The following STRBP variants were observed in gnomAD, a reference collection of about 807,000 sequenced individuals.
STRBP encodes spermatid perinuclear RNA-binding protein.
Under a neutral mutation model 80.1 loss-of-function variants are expected in STRBP, and 13 were observed. The ratio of observed to expected loss-of-function variants is 0.16; its 90% CI spans 0.11 to 0.26. The LOEUF (loss-of-function observed/expected upper bound fraction) is 0.26. Ranked by LOEUF, STRBP falls within the 10% of genes least tolerant of loss-of-function variation. STRBP has a pLI of 1.00. For synonymous variants in STRBP, 284 were observed against 291.2 expected (o/e 0.98, Z 0.25); for missense variants, 485 against 815.2 (o/e 0.59, Z 4.93).
intron 11 of STRBP, among the ~76,000 whole-genome samples, chr9:123,153,135 A>G (rs1809653088): frequency 6.6e-6 from 1 of 152,002 alleles, no homozygotes; most frequent in African/African-American, 2.4e-5. Flanking sequence ...TCCAGGTGAG[A>G]GATGATGGCA....
At chr9:123,236,185 A>G (rs549344844) in intron 2 of STRBP, among the ~76,000 whole-genome samples, 1 of 152,246 alleles carries the variant, frequency 6.6e-6, no homozygotes, top group Non-Finnish European at 1.5e-5. Context: ...CATATAGTAT[A>G]AAGTGGTTTT....
chr9:123,237,254 T>C (rs1014338527), intron 1 of STRBP, among the ~76,000 whole-genome samples: 1 of 152,070 alleles, frequency 6.6e-6, no homozygotes, highest in Non-Finnish European at 1.5e-5. Context: ...CGGCAGAAAA[T>C]TGCTAACTAC....
At chr9:123,250,920 C>A (rs996200959) in intron 1 of STRBP, among the ~76,000 whole-genome samples, 4 of 152,036 alleles carry the variant, frequency 2.6e-5, no homozygotes, top group Non-Finnish European at 5.9e-5. Flanking sequence ...GAGTTCAAGA[C>A]CAGGGTGACA....
chr9:123,173,576 CCTATTAG>C (rs2038099031), intron 5 of STRBP, 94 bp downstream of exon 5: 1 of 1,277,420 alleles, frequency 7.8e-7, no homozygotes, highest in South Asian at 1.5e-5. Context: ...CTGTGTCTAT[CCTATTAG>C]CTATTAGCAA....
intron 2 of STRBP, among the ~76,000 whole-genome samples, chr9:123,201,965 G>A (rs1405648736): frequency 6.6e-6 from 1 of 152,128 alleles, no homozygotes; most frequent in Non-Finnish European, 1.5e-5. Context: ...GTAATATCTT[G>A]TTGAATTGAT....
intron 6 of STRBP, among the ~76,000 whole-genome samples, chr9:123,165,098 T>C (rs2037696014): frequency 6.6e-6 from 1 of 151,854 alleles, no homozygotes; most frequent in Admixed American, 6.6e-5. Context: ...CTGGCCAATA[T>C]GGTGAAACCC....
intron 1 of STRBP, among the ~76,000 whole-genome samples, chr9:123,238,707 T>C (rs2040625627): frequency 6.6e-6 from 1 of 152,192 alleles, no homozygotes; most frequent in Admixed American, 6.5e-5. Flanking sequence ...GAAGGGAGAC[T>C]ACCCAAGGAA....
rs2035814750 is a variant in STRBP at position 123,124,207 on chromosome 9, T to G, written c.*1390A>C. The G allele has an allele frequency of 2.0e-6, 2 of 985,290 alleles. No individual in the cohort carries two copies. Among genetic ancestry groups the G allele is most frequent in the Non-Finnish European group, 2.4e-6 (2 of 829,928 alleles). 61.0% of individuals were successfully genotyped at this position (985,290 alleles called of 1,614,324 possible). On this transcript the variant is annotated 3_prime_UTR_variant, in exon 19 of 19. Transcript: ENST00000348403. ...CCTGTCAAGTTCCCAAAAGCAGAAC[T>G]GAATAGGGAAAATGAAAGCTAATTC... is the stretch of plus-strand genomic sequence containing the variant.
At chr9:123,120,822 C>T (rs1467989550), downstream of STRBP, among the ~76,000 whole-genome samples, 2 of 152,088 alleles carry the variant, frequency 1.3e-5, no homozygotes. Flanking sequence ...TCAAAACTGC[C>T]AGGGAAATAT....
intron 4 of STRBP, among the ~76,000 whole-genome samples, chr9:123,177,085 T>C (rs1426603601): frequency 1.3e-5 from 2 of 152,192 alleles, no homozygotes; most frequent in Admixed American, 1.3e-4. Flanking sequence ...GTGCACAATA[T>C]ATGTTTATTA....
intron 1 of STRBP, among the ~76,000 whole-genome samples, chr9:123,263,191 T>C (rs2041193588): frequency 6.6e-6 from 1 of 152,152 alleles, no homozygotes; most frequent in African/African-American, 2.4e-5. Context: ...AGTAAACTAT[T>C]AGAGTAGATC....
intron 2 of STRBP, among the ~76,000 whole-genome samples, chr9:123,196,212 A>G (rs2039085428): frequency 6.6e-6 from 1 of 152,214 alleles, no homozygotes; most frequent in Non-Finnish European, 1.5e-5. Context: ...TTCATCATAT[A>G]CAAAAATCAA....
At chr9:123,207,381 G>A (rs1018664259) in intron 2 of STRBP, among the ~76,000 whole-genome samples, 1 of 152,192 alleles carries the variant, frequency 6.6e-6, no homozygotes, top group African/African-American at 2.4e-5. Flanking sequence ...AACAAAGTTG[G>A]AGGAAAAAGC....
intron 2 of STRBP, among the ~76,000 whole-genome samples, chr9:123,233,098 G>C (rs530152406): frequency 1.3e-5 from 2 of 152,098 alleles, no homozygotes; most frequent in Non-Finnish European, 2.9e-5. Context: ...TTAAAGACAG[G>C]GTCTTGCTTT....
Position 123,249,814 on chromosome 9 carries a change from A to G in STRBP, c.-301-12848T>C, listed in dbSNP as rs148273870. On this transcript the variant is annotated intron_variant, in intron 1 of 18. Transcript: ENST00000348403. ...CTTTTCAGGGGTCTGCATGGCCAAA[A>G]CTATTTTCCAAGTAGTATGAAGGCA... 5.2e-4 allele frequency among the ~76,000 whole-genome samples: 79 copies of G among 152,296 alleles called. 1 individual carries two copies. Among genetic ancestry groups the G allele is most frequent in the Non-Finnish European group, 7.8e-4 (53 of 68,022 alleles).
chr9:123,140,337 G>A (rs1411189260), intron 13 of STRBP, among the ~76,000 whole-genome samples: 6 of 152,232 alleles, frequency 3.9e-5, no homozygotes. Flanking sequence ...GCTCATGCCT[G>A]TAATCCCAGC....
At chr9:123,240,485 G>A (rs1380460366) in intron 1 of STRBP, among the ~76,000 whole-genome samples, 1 of 152,166 alleles carries the variant, frequency 6.6e-6, no homozygotes, top group African/African-American at 2.4e-5. Context: ...CTCACAAAAA[G>A]TAGTTTCTAT....
chr9:123,109,979 A>C (rs549677251), intron 3 of STRBP: 2 of 152,368 alleles, frequency 1.3e-5, no homozygotes, highest in African/African-American at 4.8e-5. Flanking sequence ...CTTGGTCTTC[A>C]GTAGACCCGA....
At chr9:123,166,453 C>T (rs1384617893) in intron 6 of STRBP, among the ~76,000 whole-genome samples, 1 of 152,106 alleles carries the variant, frequency 6.6e-6, no homozygotes, top group Non-Finnish European at 1.5e-5. Flanking sequence ...ACAGCAATAG[C>T]AACTAATGGA....
Sources: allele counts gnomAD v4.1 joint callset (sites outside exome capture counted in the v4.1 genomes callset), GRCh38; gene constraint gnomAD v4.1.1; transcripts MANE v1.5; gene names NCBI Gene and HGNC (gene_info 2026-07-23, HGNC 2026-07-21).